PHACTR3: variants seen among roughly 807,000 people sequenced by gnomAD.
The protein encoded by PHACTR3 is protein phosphatase 1, regulatory subunit 123.
In PHACTR3, 16 loss-of-function variants were observed where a neutral mutation model predicts 66.8. The ratio of observed to expected loss-of-function variants is 0.24; its 90% CI spans 0.16 to 0.36. The LOEUF is 0.36. Ranked by LOEUF, PHACTR3 falls within the 10% of genes least tolerant of loss-of-function variation. PHACTR3 has a pLI of 1.00. For missense variants in PHACTR3, 647 were observed against 719.9 expected (o/e 0.90, Z 1.16); for synonymous variants, 323 against 292.1 (o/e 1.11, Z -1.08).
At chr20:59,689,424 C>A (rs550725695) in intron 1 of PHACTR3, among the ~76,000 whole-genome samples, 2 of 152,170 alleles carry the variant, frequency 1.3e-5, no homozygotes, top group Non-Finnish European at 2.9e-5. Flanking sequence ...GTTGTTGAGT[C>A]CTGTTTTTTC....
chr20:59,703,232 G>A (rs1259386686), intron 1 of PHACTR3, among the ~76,000 whole-genome samples: 1 of 152,128 alleles, frequency 6.6e-6, no homozygotes, highest in Non-Finnish European at 1.5e-5. Context: ...TCTACAGTTA[G>A]GGATGGTTTA....
intron 1 of PHACTR3, among the ~76,000 whole-genome samples, chr20:59,610,562 T>A (rs1243987404): frequency 6.6e-6 from 1 of 152,252 alleles, no homozygotes; most frequent in Non-Finnish European, 1.5e-5. Flanking sequence ...GCAATTTGAA[T>A]CTGAATAAAA....
chr20:59,682,709 G>A (rs192459075), intron 1 of PHACTR3, among the ~76,000 whole-genome samples: 102 of 152,366 alleles, frequency 6.7e-4, no homozygotes, highest in African/African-American at 2.2e-3. Flanking sequence ...GAGCCATGTG[G>A]ATATCTGAGG....
In PHACTR3 at chr20:59,806,177, C is replaced by T. The variant is rs200786094; in HGVS notation, c.1311C>T (p.Ile437=). The T allele has an allele frequency of 6.8e-4, 1,092 of 1,614,042 alleles. 1 individual carries two copies. Among genetic ancestry groups the T allele is most frequent in the Admixed American group, 2.4e-3 (146 of 60,000 alleles). Residue 437 remains isoleucine, a synonymous_variant, in exon 8 of 13, where the codon ATC becomes ATT. Coordinates refer to ENST00000371015, the MANE Select transcript of PHACTR3 (RefSeq NM_080672.5). ...AAAGACAGGAGATCCGGCAGCAGATCGAGATGAAGCTTTCCAAGTAAGTGG... is the reference window on the plus strand; with the variant it reads ...AAAGACAGGAGATCCGGCAGCAGATTGAGATGAAGCTTTCCAAGTAAGTGG... ...DEERQEIRQQ[I]EMKLSKRLSQ... is the part of the protein sequence containing the mutation.
At chr20:59,743,007 C>G in intron 1 of PHACTR3, 100 bp from the exon 2 acceptor site, 1 of 1,335,652 alleles carries the variant, frequency 7.5e-7, no homozygotes, top group Non-Finnish European at 1.0e-6. Context: ...TTGGGGGGAT[C>G]ACTGGTGACC....
intron 1 of PHACTR3, among the ~76,000 whole-genome samples, chr20:59,578,529 T>A (rs2032779523): frequency 6.6e-6 from 1 of 152,202 alleles, no homozygotes; most frequent in Non-Finnish European, 1.5e-5. Context: ...CATCCGTGGT[T>A]CTTTTCAGTG....
chr20:59,723,471 C>T (rs1294338410), intron 1 of PHACTR3, among the ~76,000 whole-genome samples: 1 of 152,146 alleles, frequency 6.6e-6, no homozygotes, highest in African/African-American at 2.4e-5. Flanking sequence ...TTCCATGATA[C>T]ATAGACCATA....
At chr20:59,803,047 A>G (rs1166347984) in intron 7 of PHACTR3, among the ~76,000 whole-genome samples, 2 of 152,180 alleles carry the variant, frequency 1.3e-5, no homozygotes, top group East Asian at 1.9e-4. Flanking sequence ...GTGGTGTTTC[A>G]GGGAACACAA....
intron 1 of PHACTR3, among the ~76,000 whole-genome samples, chr20:59,650,778 G>T (rs142276320): frequency 6.6e-6 from 1 of 151,636 alleles, no homozygotes; most frequent in African/African-American, 2.4e-5. Flanking sequence ...GGGGTTGGGG[G>T]TGGTGGGACA....
At position 59,773,092 on chromosome 20, in the gene PHACTR3, G is replaced by A. The variant is rs79633249; in HGVS notation, c.752-187G>A. 8.1e-3 allele frequency among the ~76,000 whole-genome samples: 1,227 copies of A among 152,268 alleles called. 11 individuals carry two copies. Among genetic ancestry groups the A allele is most frequent in the African/African-American group, 0.027 (1,127 of 41,542 alleles). On this transcript the variant is annotated intron_variant, in intron 5 of 12. Transcript: ENST00000371015. ...TTTGCCCTACAGATGGAGCAGAACT[G>A]GACAGAGATGCACCCTGGCCTCTAG...
At chr20:59,805,809 T>C (rs576777544) in intron 7 of PHACTR3, among the ~76,000 whole-genome samples, 1 of 152,268 alleles carries the variant, frequency 6.6e-6, no homozygotes, top group East Asian at 1.9e-4. Flanking sequence ...AACCCATGAG[T>C]AGGGGGCTTA....
intron 1 of PHACTR3, among the ~76,000 whole-genome samples, chr20:59,589,867 A>G (rs2033139262): frequency 6.6e-6 from 1 of 152,256 alleles, no homozygotes; most frequent in Non-Finnish European, 1.5e-5. Flanking sequence ...TCTTTTATTT[A>G]TTATTAACAT....
chr20:59,814,384 A>C (rs1208167760), intron 8 of PHACTR3, among the ~76,000 whole-genome samples: 1 of 152,080 alleles, frequency 6.6e-6, no homozygotes, highest in African/African-American at 2.4e-5. Flanking sequence ...AATGGTGGAG[A>C]GGGAATCCAG....
At chr20:59,651,663 G>A (rs1352335410) in intron 1 of PHACTR3, among the ~76,000 whole-genome samples, 4 of 152,312 alleles carry the variant, frequency 2.6e-5, no homozygotes, top group East Asian at 3.9e-4. Context: ...ATCACGAAGA[G>A]TGGACTGGCT....
intron 1 of PHACTR3, among the ~76,000 whole-genome samples, chr20:59,720,417 G>C (rs890651577): frequency 6.6e-6 from 1 of 152,214 alleles, no homozygotes; most frequent in African/African-American, 2.4e-5. Flanking sequence ...TGTCCCCTTT[G>C]CATACTGGGG....
At chr20:59,760,380 ATC>A (rs1405726369) in intron 4 of PHACTR3, among the ~76,000 whole-genome samples, 12 of 152,220 alleles carry the variant, frequency 7.9e-5, no homozygotes, top group African/African-American at 2.9e-4. Flanking sequence ...CCGCACCCAA[ATC>A]TCATCTTGAA....
At chr20:59,674,956 C>A (rs1204633006) in intron 1 of PHACTR3, among the ~76,000 whole-genome samples, 1 of 50,002 alleles carries the variant, frequency 2.0e-5, no homozygotes, top group Non-Finnish European at 3.9e-5. Flanking sequence ...GTTCCTCCCC[C>A]TTCTCCTGTT....
In PHACTR3 at chr20:59,612,600, G is replaced by T. The variant is rs117061921; in HGVS notation, c.118+7468G>T. Among the ~76,000 whole-genome samples the T allele has an allele frequency of 1.7e-4, 26 of 152,276 alleles. No homozygotes were observed. In the East Asian group the frequency reaches 5.0e-3, roughly 29 times the overall value. ...GGGGATTCACTATGCTGACCAGGCT[G>T]GTCTTGAACTCTTGACCTTGTGATC... is the stretch of plus-strand genomic sequence containing the variant. On this transcript the variant is annotated intron_variant, in intron 1 of 12. Transcript: ENST00000371015.
intron 12 of PHACTR3, among the ~76,000 whole-genome samples, chr20:59,846,314 G>A (rs960026317): frequency 6.6e-6 from 1 of 152,044 alleles, no homozygotes; most frequent in African/African-American, 2.4e-5. Flanking sequence ...CTTAACCAAT[G>A]GTTTTAGGGT....
Sources: gnomAD v4.1 joint callset for allele counts (sites outside exome capture counted in the v4.1 genomes callset) on GRCh38, gnomAD v4.1.1 for gene constraint, MANE v1.5 for transcripts, NCBI Gene and HGNC (gene_info 2026-07-23, HGNC 2026-07-21) for gene names.